MREG: variants seen among roughly 807,000 people sequenced by gnomAD.
The protein encoded by MREG is dilute suppressor protein homolog.
A neutral mutation model predicts 28.5 loss-of-function variants in MREG; 31 were observed. The ratio of observed to expected loss-of-function variants is 1.09; its 90% CI spans 0.82 to 1.47. The LOEUF (loss-of-function observed/expected upper bound fraction) is 1.47. MREG is among the 40% of genes most tolerant of loss of function. The pLI is 0.00. For missense variants in MREG, 256 were observed against 257.4 expected, an observed-to-expected ratio of 0.99 and a Z score of 0.04; for synonymous variants, 106 against 95.2, an observed-to-expected ratio of 1.11 and a Z score of -0.66.
chr2:215,959,864 G>A (rs553559722), intron 2 of MREG, among the ~76,000 whole-genome samples: 13 of 152,288 alleles, frequency 8.5e-5, no homozygotes, highest in Admixed American at 8.5e-4. Context: ...TGAGAAGTCT[G>A]CTGTTCTTAC....
chr2:216,000,104 T>G (rs763055937), intron 1 of MREG, among the ~76,000 whole-genome samples: 4 of 152,236 alleles, frequency 2.6e-5, no homozygotes, highest in Non-Finnish European at 5.9e-5. Context: ...GCATAATATA[T>G]TCAGGGCTTG....
At chr2:216,003,859 T>C (rs367914636) in intron 1 of MREG, among the ~76,000 whole-genome samples, 1 of 152,246 alleles carries the variant, frequency 6.6e-6, no homozygotes, top group South Asian at 2.1e-4. Flanking sequence ...GCTTTTTATG[T>C]TTTGCATAAG....
At chr2:215,956,798 C>G (rs1041254502) in intron 2 of MREG, among the ~76,000 whole-genome samples, 1 of 152,116 alleles carries the variant, frequency 6.6e-6, no homozygotes, top group Non-Finnish European at 1.5e-5. Flanking sequence ...CCTTGGCCTC[C>G]CAAAGTGTTG....
At chr2:215,996,871 C>G (rs760681077) in intron 1 of MREG, among the ~76,000 whole-genome samples, 28 of 152,152 alleles carry the variant, frequency 1.8e-4, no homozygotes, top group Non-Finnish European at 3.1e-4. Context: ...GCCTCCACCT[C>G]TCAGGTTCAA....
intron 2 of MREG, among the ~76,000 whole-genome samples, chr2:215,986,791 C>T (rs560282800): frequency 1.2e-4 from 19 of 152,166 alleles, no homozygotes; most frequent in Non-Finnish European, 1.5e-4. Flanking sequence ...TGAGGCCTCC[C>T]CAGCCATGAG....
At chr2:215,950,392 C>T (rs1259813902) in intron 2 of MREG, among the ~76,000 whole-genome samples, 1 of 152,188 alleles carries the variant, frequency 6.6e-6, no homozygotes, top group Non-Finnish European at 1.5e-5. Flanking sequence ...CATTCAGTTT[C>T]AGTGTCTGTT....
intron 2 of MREG, among the ~76,000 whole-genome samples, chr2:215,948,739 T>C (rs553318934): frequency 5.3e-5 from 8 of 152,260 alleles, no homozygotes; most frequent in African/African-American, 1.9e-4. Context: ...CAGCCTGACT[T>C]CAGGGAAGTT....
intron 1 of MREG, among the ~76,000 whole-genome samples, chr2:216,026,897 G>A (rs1694605130): frequency 6.6e-6 from 1 of 152,156 alleles, no homozygotes; most frequent in Admixed American, 6.5e-5. Context: ...AAAACTATCT[G>A]TACTTAAAAT....
At chr2:215,972,325 G>C (rs1292575592) in intron 2 of MREG, among the ~76,000 whole-genome samples, 1 of 152,164 alleles carries the variant, frequency 6.6e-6, no homozygotes, top group Non-Finnish European at 1.5e-5. Flanking sequence ...AAAAAGAAAA[G>C]GAGGAATAAG....
At chr2:216,011,095 CAA>C (rs35487752) in intron 1 of MREG, among the ~76,000 whole-genome samples, 6 of 106,718 alleles carry the variant, frequency 5.6e-5, no homozygotes, top group Non-Finnish European at 4.0e-5. Context: ...GACTCCGTCT[CAA>C]AAAAAAAAAA....
chr2:215,956,895 C>G (rs1692640235), intron 2 of MREG, among the ~76,000 whole-genome samples: 2 of 152,126 alleles, frequency 1.3e-5, no homozygotes, highest in Non-Finnish European at 2.9e-5. Context: ...TTCAGTGTTC[C>G]AGTTGGGGAG....
intron 2 of MREG, among the ~76,000 whole-genome samples, chr2:215,962,820 T>C (rs1187979511): frequency 6.6e-6 from 1 of 151,764 alleles, no homozygotes; most frequent in Non-Finnish European, 1.5e-5. Context: ...AAGGGTAAAA[T>C]ACACATCAGA....
chr2:215,974,850 ACACTCTCT>A (rs1350778834), intron 2 of MREG, among the ~76,000 whole-genome samples: 12 of 132,960 alleles, frequency 9.0e-5, no homozygotes, highest in Admixed American at 6.1e-4. Context: ...ACACACACAC[ACACTCTCT>A]CTCTCTCTCT....
At chr2:215,990,226 A>G (rs1045240161) in intron 2 of MREG, among the ~76,000 whole-genome samples, 2 of 152,218 alleles carry the variant, frequency 1.3e-5, no homozygotes, top group Non-Finnish European at 2.9e-5. Context: ...GCCAGAAGAG[A>G]GTGGGGGCCA....
intron 1 of MREG, among the ~76,000 whole-genome samples, chr2:216,027,984 TCAA>T (rs1209518916): frequency 6.6e-6 from 1 of 152,252 alleles, no homozygotes; most frequent in Non-Finnish European, 1.5e-5. Flanking sequence ...TGTTTAATTC[TCAA>T]CATTATAGTT....
chr2:216,000,775 C>T (rs1041037071), intron 1 of MREG, among the ~76,000 whole-genome samples: 9 of 152,224 alleles, frequency 5.9e-5, no homozygotes, highest in African/African-American at 2.2e-4. Flanking sequence ...AAATCCCAGA[C>T]ATAACTCATG....
chr2:215,950,230 G>A (rs1488801252), intron 2 of MREG, among the ~76,000 whole-genome samples: 1 of 152,174 alleles, frequency 6.6e-6, no homozygotes, highest in Non-Finnish European at 1.5e-5. Context: ...CTTAGGCCTT[G>A]TTCTAAATGC....
At chr2:216,025,187 G>A (rs1436923441) in intron 1 of MREG, among the ~76,000 whole-genome samples, 3 of 152,104 alleles carry the variant, frequency 2.0e-5, no homozygotes, top group Non-Finnish European at 4.4e-5. Context: ...TTGTAGTAAT[G>A]CAAAACTCAT....
intron 2 of MREG, among the ~76,000 whole-genome samples, chr2:215,976,387 T>C (rs1693261843): frequency 6.6e-6 from 1 of 152,214 alleles, no homozygotes; most frequent in Non-Finnish European, 1.5e-5. Context: ...TTGCTTTGAT[T>C]CCACATTCTG....
Sources: gnomAD v4.1 joint callset for allele counts (sites outside exome capture counted in the v4.1 genomes callset) on GRCh38, gnomAD v4.1.1 for gene constraint, MANE v1.5 for transcripts, NCBI Gene and HGNC (gene_info 2026-07-23, HGNC 2026-07-21) for gene names.